NRG2: variants seen among roughly 807,000 people sequenced by gnomAD.
The protein encoded by NRG2 is neuregulin 2.
NRG2 carries 27 observed loss-of-function variants against 73.9 expected under a neutral mutation model. The observed-to-expected ratio is 0.37, with a 90% CI of 0.27 to 0.50. NRG2 has a LOEUF of 0.50. Among genes scored for constraint, NRG2 ranks in the 20% least tolerant of loss-of-function variants. NRG2 has a pLI of 0.96. For missense variants in NRG2, 1,126 were observed against 1,210.1 expected, an observed-to-expected ratio of 0.93 and a Z score of 1.03; for synonymous variants, 532 against 541.0, an observed-to-expected ratio of 0.98 and a Z score of 0.23.
intron 1 of NRG2, among the ~76,000 whole-genome samples, chr5:140,027,932 AG>A (rs771059297): frequency 7.2e-5 from 11 of 152,246 alleles, no homozygotes; most frequent in Non-Finnish European, 1.6e-4. Flanking sequence ...GCCACAGGGT[AG>A]AACAACAAAC....
intron 1 of NRG2, among the ~76,000 whole-genome samples, chr5:139,952,761 G>A (rs993080056): frequency 6.6e-6 from 1 of 152,054 alleles, no homozygotes; most frequent in African/African-American, 2.4e-5. Flanking sequence ...GGGGCGGTGC[G>A]TGTGTGTGTG....
chr5:139,849,324 C>T (rs1761253580), intron 9 of NRG2, among the ~76,000 whole-genome samples: 1 of 152,310 alleles, frequency 6.6e-6, no homozygotes. Flanking sequence ...TGTGACCTGG[C>T]CTCACTGCCC....
chr5:139,926,431 A>G (rs1752067168), intron 1 of NRG2, among the ~76,000 whole-genome samples: 1 of 152,148 alleles, frequency 6.6e-6, no homozygotes, highest in African/African-American at 2.4e-5. Flanking sequence ...ATCTGGTCAT[A>G]TAAGCCTGGC....
intron 1 of NRG2, among the ~76,000 whole-genome samples, chr5:139,966,393 G>A (rs754068867): frequency 9.9e-5 from 15 of 152,166 alleles, no homozygotes; most frequent in East Asian, 1.9e-4. Flanking sequence ...CTTCCCTTAC[G>A]GAGGTATGAC....
intron 1 of NRG2, among the ~76,000 whole-genome samples, chr5:140,006,756 G>A (rs1365946578): frequency 6.6e-6 from 1 of 152,176 alleles, no homozygotes; most frequent in Admixed American, 6.5e-5. Flanking sequence ...CTAGGTGGTT[G>A]AGATGCCAAC....
At chr5:139,849,314 T>C (rs1240541076) in intron 9 of NRG2, among the ~76,000 whole-genome samples, 1 of 152,214 alleles carries the variant, frequency 6.6e-6, no homozygotes, top group Admixed American at 6.5e-5. Flanking sequence ...CAGATACCCC[T>C]GTGACCTGGC....
At chr5:139,976,441 C>A (rs996509909) in intron 1 of NRG2, among the ~76,000 whole-genome samples, 1 of 152,204 alleles carries the variant, frequency 6.6e-6, no homozygotes, top group Non-Finnish European at 1.5e-5. Flanking sequence ...ATGATTCAAT[C>A]CTATATAATG....
intron 1 of NRG2, among the ~76,000 whole-genome samples, chr5:139,961,598 G>C (rs1755069436): frequency 6.6e-6 from 1 of 152,136 alleles, no homozygotes; most frequent in African/African-American, 2.4e-5. Flanking sequence ...CTCCACATCT[G>C]GTCAGATGCT....
At chr5:140,027,784 C>G (rs896123628) in intron 1 of NRG2, among the ~76,000 whole-genome samples, 2 of 152,136 alleles carry the variant, frequency 1.3e-5, no homozygotes, top group Admixed American at 6.5e-5. Flanking sequence ...GGGGGGACTA[C>G]TATACTAGCA....
chr5:139,928,485 A>T (rs574092118), intron 1 of NRG2, among the ~76,000 whole-genome samples: 3 of 152,166 alleles, frequency 2.0e-5, no homozygotes, highest in Admixed American at 2.0e-4. Flanking sequence ...TTCTTCCACT[A>T]ATTTATTCCT....
chr5:139,950,697 T>C (rs1580801183), intron 1 of NRG2, among the ~76,000 whole-genome samples: 1 of 152,324 alleles, frequency 6.6e-6, no homozygotes, highest in Non-Finnish European at 1.5e-5. Flanking sequence ...TCTGGTCATA[T>C]CCAACCACAA....
intron 1 of NRG2, among the ~76,000 whole-genome samples, chr5:139,933,850 C>G (rs999368386): frequency 6.6e-6 from 1 of 152,190 alleles, no homozygotes; most frequent in African/African-American, 2.4e-5. Flanking sequence ...AAAAGCAAAT[C>G]TCAGTAGATT....
chr5:139,921,334 A>C (rs1173583189), intron 1 of NRG2, among the ~76,000 whole-genome samples: 1 of 152,238 alleles, frequency 6.6e-6, no homozygotes. Flanking sequence ...ACACTGCCTG[A>C]CTTTGAGGCT....
intron 1 of NRG2, among the ~76,000 whole-genome samples, chr5:140,011,199 T>C (rs1759338054): frequency 6.6e-6 from 1 of 152,244 alleles, no homozygotes; most frequent in African/African-American, 2.4e-5. Flanking sequence ...CTTTTGCCAC[T>C]TTGGACACAT....
At chr5:139,905,571 C>G (rs765542732) in intron 1 of NRG2, among the ~76,000 whole-genome samples, 1 of 151,848 alleles carries the variant, frequency 6.6e-6, no homozygotes, top group Non-Finnish European at 1.5e-5. Flanking sequence ...GCGGCCAGAA[C>G]TTGAGGCCAA....
chr5:139,955,753 T>C (rs1435117140), intron 1 of NRG2, among the ~76,000 whole-genome samples: 1 of 152,088 alleles, frequency 6.6e-6, no homozygotes, highest in Admixed American at 6.5e-5. Flanking sequence ...AGGACTTCCA[T>C]GCAAGCCCAG....
At chr5:139,867,783 T>TGCGC (rs1167406723) in intron 4 of NRG2, among the ~76,000 whole-genome samples, 2 of 139,312 alleles carry the variant, frequency 1.4e-5, no homozygotes, top group East Asian at 4.0e-4. Context: ...TGTGTGTGTG[T>TGCGC]GTGTGTGTGT....
chr5:140,014,222 A>G (rs1016390563), intron 1 of NRG2, among the ~76,000 whole-genome samples: 1 of 147,680 alleles, frequency 6.8e-6, no homozygotes, highest in African/African-American at 2.6e-5. Flanking sequence ...TCGCTCAGGT[A>G]AAAAAGCTTG....
intron 1 of NRG2, among the ~76,000 whole-genome samples, chr5:139,914,534 T>C (rs1751102400): frequency 6.6e-6 from 1 of 152,194 alleles, no homozygotes; most frequent in South Asian, 2.1e-4. Context: ...AACAGCTTCA[T>C]AAGCTCCTCT....
Sources: allele counts gnomAD v4.1 joint callset (sites outside exome capture counted in the v4.1 genomes callset), GRCh38; gene constraint gnomAD v4.1.1; transcripts MANE v1.5; gene names NCBI Gene and HGNC (gene_info 2026-07-23, HGNC 2026-07-21).